The following FRY variants were observed in gnomAD, a reference collection of about 807,000 sequenced individuals.
FRY encodes the protein FRY microtubule binding protein.
A neutral mutation model predicts 348.4 loss-of-function variants in FRY; 128 were observed. The ratio of observed to expected loss-of-function variants is 0.37; its 90% CI spans 0.32 to 0.43. The LOEUF (loss-of-function observed/expected upper bound fraction) is 0.43, where lower values mean the gene tolerates loss of function less well. FRY is among the 20% of genes least tolerant of loss of function. The pLI is 1.00. For synonymous variants in FRY, 1,370 were observed against 1,374.7 expected, an observed-to-expected ratio of 1.00 and a Z score of 0.08; for missense variants, 2,736 against 3,695.2, an observed-to-expected ratio of 0.74 and a Z score of 6.73.
At chr13:32,161,842 A>G (rs1044326696) in intron 17 of FRY, among the ~76,000 whole-genome samples, 2 of 152,246 alleles carry the variant, frequency 1.3e-5, no homozygotes, top group Non-Finnish European at 2.9e-5. Context: ...GCACAATCCA[A>G]TGAGAACCTA....
rs576512443 is a variant in FRY at position 32,145,323 on chromosome 13, A to G, written c.1180-1959A>G. On this transcript the variant is annotated intron_variant, in intron 11 of 60. Transcript: ENST00000542859. ...GACTTAGGGAGACTGTTAGGAGGGT[A>G]CTACAGCAGTCCAGATGACAGTGTT... Among the ~76,000 whole-genome samples the G allele has an allele frequency of 9.8e-5, 15 of 152,288 alleles. No individual in the cohort carries two copies. In the East Asian group the frequency reaches 2.7e-3, roughly 27 times the overall value.
At chr13:32,041,763 A>C (rs1235240375) in intron 1 of FRY, among the ~76,000 whole-genome samples, 1 of 152,178 alleles carries the variant, frequency 6.6e-6, no homozygotes, top group Non-Finnish European at 1.5e-5. Flanking sequence ...GAATAGGAAA[A>C]TCAGAGATGT....
At position 32,134,844 on chromosome 13, in the gene FRY, A is replaced by G. The variant is rs1879598687; in HGVS notation, c.886-60A>G. On this transcript the variant is annotated intron_variant, in intron 8 of 60. Transcript: ENST00000542859. Reference sequence around the variant, plus strand: ...GCTACTTACTGAAACTTGTTTAAATACATTCTATGTGTACATTTCAACCTA... The same window carrying G: ...GCTACTTACTGAAACTTGTTTAAATGCATTCTATGTGTACATTTCAACCTA... 73 of 998,198 alleles carry G rather than the reference A, an allele frequency of 7.3e-5. No individual in the cohort carries two copies. The South Asian group carries it at 9.3e-4, about 13-fold the overall frequency. 61.8% of individuals were successfully genotyped at this position (998,198 alleles called of 1,614,324 possible).
At position 32,173,456 on chromosome 13, in the gene FRY, T is replaced by C. The variant is rs114461962; in HGVS notation, c.2241T>C (p.Val747=). 1.1e-3 allele frequency: 1,819 copies of C among 1,613,218 alleles called. 20 individuals are homozygous for C. In the African/African-American group the frequency reaches 0.022, roughly 19 times the overall value. ...ACGCTGTAGAAGGTTTTGCTCTGGT[T>C]TTACTCTGCAGTTTCCAGGTGGCCA... ...VLHAVEGFAL[V]LLCSFQVATR... Residue 747 remains valine, a synonymous_variant, in exon 19 of 61, where the codon GTT becomes GTC. Transcript: ENST00000542859.
chr13:32,177,206 G>A (rs983376089), intron 20 of FRY, among the ~76,000 whole-genome samples: 3 of 152,146 alleles, frequency 2.0e-5, no homozygotes, highest in Non-Finnish European at 2.9e-5. Context: ...AGAACAAAAT[G>A]GAATATAAGA....
intron 44 of FRY, among the ~76,000 whole-genome samples, chr13:32,238,981 A>G (rs889559927): frequency 1.3e-5 from 2 of 152,228 alleles, no homozygotes; most frequent in African/African-American, 4.8e-5. Flanking sequence ...TCTGCGCCAA[A>G]AACATCTGGG....
rs552776032 is a variant in FRY at position 32,165,631 on chromosome 13, T to C, written c.1892+4380T>C. Among the ~76,000 whole-genome samples, 3 of 152,344 alleles carry C rather than the reference T, an allele frequency of 2.0e-5. No homozygotes were observed. The East Asian group carries it at 5.8e-4, about 29-fold the overall frequency. ...GACATTGTGGGGCACTTCTTTCTAA[T>C]AAGCTTTTGCTTATCTTGCCTAGTT... On this transcript the variant is annotated intron_variant, in intron 17 of 60. Coordinates refer to ENST00000542859, the MANE Select transcript of FRY (RefSeq NM_023037.3).
intron 48 of FRY, 95 bp from the exon 49 acceptor site, chr13:32,249,431 T>C: frequency 1.5e-6 from 2 of 1,318,402 alleles, no homozygotes; most frequent in Admixed American, 1.9e-5. Flanking sequence ...TGATTTTTAA[T>C]CAAATAAGCA....
intron 23 of FRY, among the ~76,000 whole-genome samples, chr13:32,182,091 A>G (rs1299252844): frequency 6.6e-6 from 1 of 152,194 alleles, no homozygotes; most frequent in African/African-American, 2.4e-5. Flanking sequence ...AGTGATGTTT[A>G]ATAGAACAAA....
chr13:32,234,490 C>T, intron 41 of FRY, 84 bp from the exon 42 acceptor site: 1 of 1,173,526 alleles, frequency 8.5e-7, no homozygotes, highest in Non-Finnish European at 1.3e-6. Context: ...GTGCCGTTAG[C>T]CTGTTTTAAA....
chr13:32,046,623 C>A (rs1873028369), intron 1 of FRY, among the ~76,000 whole-genome samples: 1 of 152,180 alleles, frequency 6.6e-6, no homozygotes, highest in Admixed American at 6.5e-5. Flanking sequence ...CAACACTGGT[C>A]ACATGACACA....
chr13:32,072,102 G>C (rs1185019269), intron 1 of FRY, among the ~76,000 whole-genome samples: 1 of 152,136 alleles, frequency 6.6e-6, no homozygotes, highest in Non-Finnish European at 1.5e-5. Context: ...AAGAATTAAA[G>C]ATACTAATTC....
Position 32,239,354 on chromosome 13 carries a change from G to A in FRY, c.6516+5G>A. 1 of 1,550,394 alleles carries A rather than the reference G, an allele frequency of 6.4e-7. No individual in the cohort carries two copies. Among genetic ancestry groups the A allele is most frequent in the Non-Finnish European group, 8.9e-7 (1 of 1,121,926 alleles). On this transcript the variant is annotated splice_donor_5th_base_variant and intron_variant, in intron 45 of 60. Transcript: ENST00000542859. The surrounding 1 kb of genome is among the most constrained non-coding windows in gnomAD (Gnocchi z 4.3). ...ATAGCCGAAAGGATTGCTCAGGTAT[G>A]AGTTACAGTTCCACACTCAGGCAGA... is the stretch of plus-strand genomic sequence containing the variant.
At chr13:32,284,296 A>T (rs536259885) in intron 58 of FRY, among the ~76,000 whole-genome samples, 1 of 152,300 alleles carries the variant, frequency 6.6e-6, no homozygotes, top group Non-Finnish European at 1.5e-5. Flanking sequence ...CTTCTCAGTT[A>T]TATATTTTCT....
At chr13:32,235,657 C>A (rs543753323) in intron 42 of FRY, among the ~76,000 whole-genome samples, 5 of 152,266 alleles carry the variant, frequency 3.3e-5, no homozygotes, top group South Asian at 2.1e-4. Context: ...TCTGAGGAAG[C>A]CTGCACACCT....
chr13:32,283,096 G>A (rs1263496605), intron 58 of FRY, among the ~76,000 whole-genome samples: 5 of 150,984 alleles, frequency 3.3e-5, no homozygotes, highest in South Asian at 2.1e-4. Flanking sequence ...AGCTGAGATC[G>A]CACCATTGCA....
rs770930382 is a variant in FRY at position 32,134,884 on chromosome 13, A to G, written c.886-20A>G. 2.0e-6 allele frequency: 3 copies of G among 1,476,846 alleles called. No homozygotes were observed. Among genetic ancestry groups the G allele is most frequent in the African/African-American group, 1.4e-5 (1 of 72,282 alleles). The allele number at this position is 1,476,846 out of a possible 1,614,324, so 91.5% of individuals were successfully genotyped here. A position where few individuals can be genotyped will look rare whatever the true frequency, so the allele number is the denominator to read the frequency against. On this transcript the variant is annotated intron_variant, in intron 8 of 60. Transcript: ENST00000542859. The stretch of plus-strand genomic sequence containing the variant: ...ATTTCAACCTACTCTCCCTCCCTAT[A>G]CTCTTTTTCTGCTTCCCAGGAATGT...
At chr13:32,234,831 T>C (rs1268346129) in intron 42 of FRY, 70 bp downstream of exon 42, 1 of 1,259,242 alleles carries the variant, frequency 7.9e-7, no homozygotes, top group South Asian at 1.2e-5. Flanking sequence ...TAAACTATTT[T>C]TGAGCCTTTC....
At chr13:32,263,446 G>C (rs1887772099) in intron 53 of FRY, among the ~76,000 whole-genome samples, 2 of 152,040 alleles carry the variant, frequency 1.3e-5, no homozygotes, top group Admixed American at 1.3e-4. Flanking sequence ...AGCTTAAATA[G>C]TAATTATTTC....
Sources: gnomAD v4.1 joint callset for allele counts (sites outside exome capture counted in the v4.1 genomes callset) on GRCh38, gnomAD v4.1.1 for gene constraint, Gnocchi (gnomAD v3.1) non-coding constraint, MANE v1.5 for transcripts, NCBI Gene and HGNC (gene_info 2026-07-23, HGNC 2026-07-21) for gene names.